CCSER1: variants seen among roughly 807,000 people sequenced by gnomAD.
CCSER1 encodes the protein coiled-coil serine rich protein 1, also known as serine-rich coiled-coil domain-containing protein 1.
In CCSER1, 41 loss-of-function variants were observed where a neutral mutation model predicts 82.0. The ratio of observed to expected loss-of-function variants is 0.50; its 90% CI spans 0.39 to 0.65. The LOEUF is 0.65. Among genes scored for constraint, CCSER1 ranks in the 30% least tolerant of loss-of-function variants. CCSER1 has a pLI of 0.00. For synonymous variants in CCSER1, 414 were observed against 383.9 expected (o/e 1.08, Z -0.92); for missense variants, 1,119 against 1,064.2 (o/e 1.05, Z -0.72).
At chr4:90,301,952 A>G (rs1231641097) in intron 1 of CCSER1, among the ~76,000 whole-genome samples, 1 of 152,126 alleles carries the variant, frequency 6.6e-6, no homozygotes, top group African/African-American at 2.4e-5. Context: ...TTATTTTTTC[A>G]TGTTTTCAAC....
At position 91,142,734 on chromosome 4, in the gene CCSER1, A is replaced by G. The variant is rs559919021; in HGVS notation, c.2217+56740A>G. The stretch of plus-strand genomic sequence containing the variant: ...TATTGCAACATCATTTATTGAATCG[A>G]GAGTCCTTTCCTTATAGTGTATTTC... On this transcript the variant is annotated intron_variant, in intron 10 of 10. Transcript: ENST00000509176. Among the ~76,000 whole-genome samples the G allele has an allele frequency of 4.6e-5, 7 of 152,242 alleles. No individual in the cohort carries two copies. The East Asian group carries it at 9.7e-4, about 21-fold the overall frequency.
intron 10 of CCSER1, among the ~76,000 whole-genome samples, chr4:91,127,263 C>T (rs1355615498): frequency 6.6e-6 from 1 of 151,824 alleles, no homozygotes; most frequent in Non-Finnish European, 1.5e-5. Flanking sequence ...AAAATAAGTC[C>T]AGGAAATATG....
At position 90,308,892 on chromosome 4, in the gene CCSER1, T is replaced by C. The variant is rs1734813565; in HGVS notation, c.608T>C (p.Leu203Ser). ...GTTCTACAGAGCCAATCCATTTCAT[T>C]GGTACAACAGTCTGAATTCTCATTG... ...KPVLQSQSIS[L>S]VQQSEFSLEV... Residue 203 changes from leucine to serine, a missense_variant, in exon 2 of 11, where the codon TTG becomes TCG. Physicochemically the swap from Leu to Ser is moderately radical, Grantham distance 145. Coordinates refer to ENST00000509176, the MANE Select transcript of CCSER1 (RefSeq NM_001145065.2). 1.9e-6 allele frequency: 3 copies of C among 1,613,916 alleles called. No homozygotes were observed. The highest frequency in any genetic ancestry group is 2.5e-6 in the Non-Finnish European group (3 of 1,179,842).
intron 9 of CCSER1, among the ~76,000 whole-genome samples, chr4:91,053,795 G>A (rs992570778): frequency 4.6e-5 from 7 of 152,126 alleles, no homozygotes; most frequent in Admixed American, 2.0e-4. Context: ...TCACTTAATA[G>A]TGTATCTTAT....
rs151219144 is a variant in CCSER1 at position 91,235,205 on chromosome 4, G to A, written c.2217+149211G>A. Among the ~76,000 whole-genome samples, 1,136 of 152,082 alleles carry A rather than the reference G, an allele frequency of 7.5e-3. 8 individuals carry two copies. The highest frequency in any genetic ancestry group is 0.026 in the African/African-American group (1,066 of 41,516). ...AATCTAGGTTAACATAATGTTACTT[G>A]TTTCCCCCTATTGGAAGAGAGGTAT... On this transcript the variant is annotated intron_variant, in intron 10 of 10. Transcript: ENST00000509176.
chr4:91,470,135 T>A (rs1578545462), intron 10 of CCSER1, among the ~76,000 whole-genome samples: 1 of 152,228 alleles, frequency 6.6e-6, no homozygotes, highest in South Asian at 2.1e-4. Context: ...GCTAATCGTA[T>A]CTTTATTTTA....
intron 9 of CCSER1, among the ~76,000 whole-genome samples, chr4:91,021,333 A>G (rs1739944330): frequency 6.6e-6 from 1 of 152,116 alleles, no homozygotes; most frequent in Non-Finnish European, 1.5e-5. Flanking sequence ...ATTGCTGCAG[A>G]TTGTTTTTAT....
At chr4:91,014,860 G>A (rs1739289965) in intron 9 of CCSER1, among the ~76,000 whole-genome samples, 1 of 109,368 alleles carries the variant, frequency 9.1e-6, no homozygotes, top group Admixed American at 9.0e-5. Context: ...ATTAGATTCT[G>A]TCCACATAGG....
intron 1 of CCSER1, among the ~76,000 whole-genome samples, chr4:90,293,944 T>G (rs1731384119): frequency 6.6e-6 from 1 of 152,046 alleles, no homozygotes; most frequent in Admixed American, 6.6e-5. Context: ...CTATTGTGGT[T>G]TATTGTTTGT....
At chr4:91,271,577 C>T (rs2149183495) in intron 10 of CCSER1, among the ~76,000 whole-genome samples, 1 of 152,230 alleles carries the variant, frequency 6.6e-6, no homozygotes, top group East Asian at 1.9e-4. Flanking sequence ...TCTCCAATCT[C>T]ATCCAGGTCG....
intron 1 of CCSER1, among the ~76,000 whole-genome samples, chr4:90,186,218 A>C (rs931858637): frequency 6.6e-6 from 1 of 151,968 alleles, no homozygotes; most frequent in Non-Finnish European, 1.5e-5. Flanking sequence ...GGCACATTAC[A>C]TATTTTTATG....
At position 91,203,131 on chromosome 4, in the gene CCSER1, A is replaced by G. The variant is rs567541981; in HGVS notation, c.2217+117137A>G. 4.6e-5 allele frequency among the ~76,000 whole-genome samples: 7 copies of G among 151,904 alleles called. No homozygotes were observed. In the East Asian group the frequency reaches 1.4e-3, roughly 29 times the overall value. On this transcript the variant is annotated intron_variant, in intron 10 of 10. Coordinates refer to ENST00000509176, the MANE Select transcript of CCSER1 (RefSeq NM_001145065.2). ...CCACCAACAGTGTAAAAGTGTTCCTATTTCTCCACATCCTCTCCAGCACCT... is the reference window on the plus strand; with the variant it reads ...CCACCAACAGTGTAAAAGTGTTCCTGTTTCTCCACATCCTCTCCAGCACCT...
chr4:91,172,701 C>G (rs1165638776), intron 10 of CCSER1, among the ~76,000 whole-genome samples: 6 of 152,114 alleles, frequency 3.9e-5, no homozygotes, highest in Non-Finnish European at 8.8e-5. Context: ...TTCCAGGCTA[C>G]TTTATTTTCA....
chr4:90,316,624 T>C (rs1293145813), intron 3 of CCSER1, among the ~76,000 whole-genome samples: 4 of 152,242 alleles, frequency 2.6e-5, no homozygotes, highest in Non-Finnish European at 5.9e-5. Flanking sequence ...TACTCCTAAC[T>C]TTTAATGTTA....
At chr4:90,914,688 A>G (rs1727013141) in intron 8 of CCSER1, among the ~76,000 whole-genome samples, 1 of 151,276 alleles carries the variant, frequency 6.6e-6, no homozygotes, top group Non-Finnish European at 1.5e-5. Context: ...CCCTTCAAAA[A>G]ATCAATGAAT....
intron 10 of CCSER1, among the ~76,000 whole-genome samples, chr4:91,341,312 T>C (rs906905089): frequency 1.3e-5 from 2 of 152,198 alleles, no homozygotes; most frequent in Non-Finnish European, 2.9e-5. Flanking sequence ...GGTTTTGCTT[T>C]TCTGAACTGT....
At chr4:90,592,624 C>G (rs1187460159) in intron 5 of CCSER1, among the ~76,000 whole-genome samples, 1 of 152,118 alleles carries the variant, frequency 6.6e-6, no homozygotes, top group Non-Finnish European at 1.5e-5. Context: ...CTACTTCTTT[C>G]TCTATAACTG....
chr4:90,715,714 T>C (rs1741514623), intron 6 of CCSER1, among the ~76,000 whole-genome samples: 1 of 152,056 alleles, frequency 6.6e-6, no homozygotes, highest in African/African-American at 2.4e-5. Flanking sequence ...GAATATATGG[T>C]GAGGCAGTGG....
rs530005146 is a variant in CCSER1 at position 91,149,480 on chromosome 4, T to A, written c.2217+63486T>A. Among the ~76,000 whole-genome samples, 3 of 152,352 alleles carry A rather than the reference T, an allele frequency of 2.0e-5. No homozygotes were observed. The East Asian group carries it at 5.8e-4, about 29-fold the overall frequency. On this transcript the variant is annotated intron_variant, in intron 10 of 10. Coordinates refer to ENST00000509176, the MANE Select transcript of CCSER1 (RefSeq NM_001145065.2). The stretch of plus-strand genomic sequence containing the variant: ...TTTGCTGTGCAGAAGCTCTTTAGTA[T>A]AATTAGATCCCATTTGTCAATTCTG...
Sources: allele counts gnomAD v4.1 joint callset (sites outside exome capture counted in the v4.1 genomes callset), GRCh38; gene constraint gnomAD v4.1.1; transcripts MANE v1.5; gene names NCBI Gene and HGNC (gene_info 2026-07-23, HGNC 2026-07-21).